The following PCDHA1 variants were observed in gnomAD, a reference collection of about 807,000 sequenced individuals.
PCDHA1 encodes the protein protocadherin alpha-1.
A neutral mutation model predicts 61.3 loss-of-function variants in PCDHA1; 42 were observed. The ratio of observed to expected loss-of-function variants is 0.69; its 90% CI spans 0.54 to 0.89. The LOEUF (loss-of-function observed/expected upper bound fraction) is 0.89. Ranked by LOEUF, PCDHA1 falls within the 40% of genes least tolerant of loss-of-function variation. The probability of loss-of-function intolerance (pLI) is 0.00; values close to 1 mark genes in which losing one functional copy is unlikely to be tolerated. For synonymous variants in PCDHA1, 610 were observed against 553.8 expected, an observed-to-expected ratio of 1.10 and a Z score of -1.43; for missense variants, 1,256 against 1,235.3, an observed-to-expected ratio of 1.02 and a Z score of -0.25.
chr5:140,845,513 G>A (rs2150211324), intron 1 of PCDHA1, among the ~76,000 whole-genome samples: 1 of 149,564 alleles, frequency 6.7e-6, no homozygotes, highest in African/African-American at 2.4e-5. Context: ...CCTATTTCTT[G>A]TACATTAATA....
At chr5:140,850,951 T>C in intron 1 of PCDHA1, 1 of 1,500,264 alleles carries the variant, frequency 6.7e-7, no homozygotes. Flanking sequence ...TATTATCGAT[T>C]ACTCCCAGGG....
At chr5:141,008,837 C>T (rs1460664317) in intron 3 of PCDHA1, among the ~76,000 whole-genome samples, 10 of 152,178 alleles carry the variant, frequency 6.6e-5, no homozygotes, top group South Asian at 2.1e-4. Flanking sequence ...CATCCTCTTA[C>T]GCTGTGTATT....
intron 1 of PCDHA1, chr5:140,841,867 G>A (rs2150324495): frequency 2.5e-6 from 4 of 1,613,836 alleles, no homozygotes; most frequent in Non-Finnish European, 3.4e-6. Flanking sequence ...TGCTAGATGT[G>A]AATTCAAAGA....
intron 1 of PCDHA1, chr5:140,830,565 C>A: frequency 1.0e-6 from 1 of 976,906 alleles, no homozygotes; most frequent in South Asian, 3.1e-5. Context: ...TTCTATATTT[C>A]TGTTTTTAAT....
At chr5:140,877,332 C>T (rs2057040352) in intron 1 of PCDHA1, 1 of 1,613,990 alleles carries the variant, frequency 6.2e-7, no homozygotes. Context: ...GCGCGCACAT[C>T]CCGTTCCACG....
intron 1 of PCDHA1, among the ~76,000 whole-genome samples, chr5:140,941,202 C>CCTTTCTTCCTTTCTTTTTCTTT (rs1394736170): frequency 8.1e-6 from 1 of 122,742 alleles, no homozygotes; most frequent in African/African-American, 3.0e-5. Flanking sequence ...TTTCTTTCTT[C>CCTTTCTTCCTTTCTTTTTCTTT]CTTTCTTTCT....
intron 1 of PCDHA1, chr5:140,801,625 C>A (rs1554121583): frequency 6.2e-7 from 1 of 1,614,074 alleles, no homozygotes; most frequent in Non-Finnish European, 8.5e-7. Context: ...CTGTTTATTT[C>A]CGAATCCCGA....
chr5:140,944,097 A>G lies in PCDHA1; in HGVS notation c.2395-34852A>G, dbSNP rs2093609741. On this transcript the variant is annotated intron_variant, in intron 1 of 3. Coordinates refer to ENST00000504120, the MANE Select transcript of PCDHA1 (RefSeq NM_018900.4). ...ATAAAGGAGGCCTGAGTAAGTTTAT[A>G]TCTCATGGGAAAATGGTACCAGAGA... is the stretch of plus-strand genomic sequence containing the variant. Among the ~76,000 whole-genome samples, 3 of 152,244 alleles carry G rather than the reference A, an allele frequency of 2.0e-5. No individual in the cohort carries two copies. In the South Asian group the frequency reaches 6.2e-4, roughly 31 times the overall value.
chr5:140,939,993 G>A (rs889924458), intron 1 of PCDHA1, among the ~76,000 whole-genome samples: 3 of 151,902 alleles, frequency 2.0e-5, no homozygotes, highest in African/African-American at 7.3e-5. Context: ...GTTTCTCCTT[G>A]GATTTTGTCA....
chr5:140,825,633 G>T (rs1476004064), intron 1 of PCDHA1: 1 of 151,844 alleles, frequency 6.6e-6, no homozygotes, highest in Non-Finnish European at 1.5e-5. Context: ...TGTTGGTCAT[G>T]GTGGTCTCGA....
At chr5:140,828,611 T>G in intron 1 of PCDHA1, 1 of 1,614,202 alleles carries the variant, frequency 6.2e-7, no homozygotes, top group Non-Finnish European at 8.5e-7. Flanking sequence ...TAAACTCAGT[T>G]CTAGCGAATA....
At chr5:140,870,919 C>A in intron 1 of PCDHA1, 1 of 1,613,952 alleles carries the variant, frequency 6.2e-7, no homozygotes. Context: ...CAACGCGTGG[C>A]TTTCATATGA....
chr5:140,815,613 A>T (rs1554126828), intron 1 of PCDHA1: 16 of 152,076 alleles, frequency 1.1e-4, no homozygotes, highest in Non-Finnish European at 1.9e-4. Context: ...TGACTTTTGT[A>T]CCACCATTAC....
At chr5:140,805,227 C>T in intron 1 of PCDHA1, 1 of 1,392,092 alleles carries the variant, frequency 7.2e-7, no homozygotes, top group South Asian at 1.8e-5. Flanking sequence ...TTCTATTCTG[C>T]TGCATTCCCC....
intron 1 of PCDHA1, chr5:140,809,212 G>T (rs781882644): frequency 2.5e-6 from 4 of 1,614,036 alleles, no homozygotes; most frequent in South Asian, 1.1e-5. Flanking sequence ...GTGGACAGGC[G>T]CCAAAGGCCT....
intron 1 of PCDHA1, chr5:140,866,649 T>C (rs1554160460): frequency 6.6e-6 from 1 of 152,162 alleles, no homozygotes; most frequent in South Asian, 2.1e-4. Context: ...AAAATTTATT[T>C]ATGTGTTTTC....
At chr5:140,968,211 A>G (rs1039283745) in intron 1 of PCDHA1, 1 of 1,614,002 alleles carries the variant, frequency 6.2e-7, no homozygotes. Context: ...CAGGAGAACA[A>G]TTTGCCAGGT....
intron 1 of PCDHA1, among the ~76,000 whole-genome samples, chr5:140,925,561 G>A (rs972926230): frequency 6.6e-6 from 1 of 151,674 alleles, no homozygotes; most frequent in African/African-American, 2.4e-5. Flanking sequence ...ACAAGTTAAT[G>A]GGTGCAGCAC....
chr5:140,810,012 T>C (rs186188857), intron 1 of PCDHA1: 1 of 155,996 alleles, frequency 6.4e-6, no homozygotes, highest in East Asian at 1.9e-4. Context: ...TTATTTTTCC[T>C]CCAGTGTAAC....
Sources: allele counts gnomAD v4.1 joint callset (sites outside exome capture counted in the v4.1 genomes callset), GRCh38; gene constraint gnomAD v4.1.1; transcripts MANE v1.5; gene names NCBI Gene and HGNC (gene_info 2026-07-23, HGNC 2026-07-21).